Variants in HMCN1 observed in about 807,000 individuals in gnomAD.
HMCN1 encodes hemicentin-1.
A neutral mutation model predicts 625.9 loss-of-function variants in HMCN1; 321 were observed. The ratio of observed to expected loss-of-function variants is 0.51; its 90% confidence interval spans 0.47 to 0.56. HMCN1 has a LOEUF of 0.56. Ranked by LOEUF, HMCN1 falls within the 20% of genes least tolerant of loss-of-function variation. HMCN1 has a pLI of 0.00. For synonymous variants in HMCN1, 2,425 were observed against 2,417.6 expected, an observed-to-expected ratio of 1.00 and a Z score of -0.09; for missense variants, 6,588 against 6,887.3, an observed-to-expected ratio of 0.96 and a Z score of 1.54.
At chr1:186,011,811 G>A (rs1022190154) in intron 30 of HMCN1, among the ~76,000 whole-genome samples, 3 of 152,040 alleles carry the variant, frequency 2.0e-5, no homozygotes, top group African/African-American at 7.2e-5. Context: ...TACTTTTTTG[G>A]TCTGGTAATT....
chr1:186,162,473 T>C (rs1188513676), intron 97 of HMCN1, among the ~76,000 whole-genome samples: 1 of 125,816 alleles, frequency 7.9e-6, no homozygotes, highest in Non-Finnish European at 1.7e-5. Flanking sequence ...CTGTGATCCT[T>C]TGGAGGAGAG....
intron 35 of HMCN1, among the ~76,000 whole-genome samples, chr1:186,021,442 T>C (rs1437899766): frequency 6.6e-6 from 1 of 152,072 alleles, no homozygotes; most frequent in African/African-American, 2.4e-5. Flanking sequence ...GCTGGACATA[T>C]TGGCACATTA....
intron 40 of HMCN1, among the ~76,000 whole-genome samples, chr1:186,042,086 T>C (rs1304288399): frequency 1.3e-5 from 2 of 152,160 alleles, no homozygotes; most frequent in Admixed American, 6.6e-5. Flanking sequence ...ATATCATACA[T>C]ATCTAATGAA....
At chr1:185,837,932 G>T (rs909615428) in intron 1 of HMCN1, among the ~76,000 whole-genome samples, 1 of 152,168 alleles carries the variant, frequency 6.6e-6, no homozygotes, top group Admixed American at 6.5e-5. Context: ...TTTAAAACTA[G>T]CATTGCACAC....
intron 13 of HMCN1, 99 bp from the exon 14 acceptor site, chr1:185,965,703 A>G (rs1356316024): frequency 1.3e-6 from 1 of 769,642 alleles, no homozygotes; most frequent in Non-Finnish European, 2.4e-6. Context: ...AAATGGCCAC[A>G]AGCACATAAA....
chr1:186,127,061 G>C (rs796270119), intron 82 of HMCN1, among the ~76,000 whole-genome samples: 1 of 152,018 alleles, frequency 6.6e-6, no homozygotes, highest in African/African-American at 2.4e-5. Context: ...ATTGCAAGTA[G>C]GGTGTGAGGA....
chr1:185,842,953 G>A (rs1003908925), intron 1 of HMCN1, among the ~76,000 whole-genome samples: 2 of 152,110 alleles, frequency 1.3e-5, no homozygotes, highest in Non-Finnish European at 2.9e-5. Flanking sequence ...TACGTTAGCA[G>A]TTATCTTCAC....
In HMCN1 at chr1:186,178,413, C is replaced by A. The variant is rs1211937953; in HGVS notation, c.15944-3C>A. ...TCTTTTTTATATCATGGCATACGAGCAGACATTAATGAATGTGAACAAGTG... is the reference window on the plus strand; with the variant it reads ...TCTTTTTTATATCATGGCATACGAGAAGACATTAATGAATGTGAACAAGTG... On this transcript the variant is annotated splice_polypyrimidine_tract_variant and splice_region_variant and intron_variant, in intron 103 of 106. Transcript: ENST00000271588. The A allele has an allele frequency of 6.2e-7, 1 of 1,605,844 alleles. No homozygotes were observed. Among genetic ancestry groups the A allele is most frequent in the African/African-American group, 1.3e-5 (1 of 74,634 alleles).
Position 186,106,891 on chromosome 1 carries a change from A to T in HMCN1, c.10778A>T (p.Asp3593Val). ...ATTATTTGGGTTTTGTAGGTGGAGGATACAGGAAGATATACATGTCTGGCA... is the reference window on the plus strand; with the variant it reads ...ATTATTTGGGTTTTGTAGGTGGAGGTTACAGGAAGATATACATGTCTGGCA... The part of the protein sequence containing the change: ...VLRISTAQVE[D>V]TGRYTCLASS... The change falls in exon 70 of 107, where the codon GAT becomes GTT. Residue 3593 changes from aspartate (D) to valine (V), a missense_variant. Physicochemically the swap from Asp to Val is radical, Grantham distance 152. This residue lies in a region of HMCN1 where 4,628 missense variants were observed against 4,853.1 expected (regional missense o/e 0.95). Transcript: ENST00000271588. 1 of 1,607,236 alleles carries T rather than the reference A, an allele frequency of 6.2e-7. No individual in the cohort carries two copies. Among genetic ancestry groups the T allele is most frequent in the Non-Finnish European group, 8.5e-7 (1 of 1,173,726 alleles).
chr1:186,162,609 G>C, intron 97 of HMCN1, among the ~76,000 whole-genome samples: 1 of 152,286 alleles, frequency 6.6e-6, no homozygotes, highest in African/African-American at 2.4e-5. Context: ...TGTCCTTTCT[G>C]TTTGTTAGTT....
rs144560225 is a variant in HMCN1 at position 186,088,714 on chromosome 1, T to C, written c.9686T>C (p.Met3229Thr). 282 of 1,611,030 alleles carry C rather than the reference T, an allele frequency of 1.8e-4. 2 individuals are homozygous for C. In the African/African-American group the frequency reaches 3.4e-3, roughly 19 times the overall value. ...AACTATACATGTATTGCTTCAAATATGGAGGGAAAAGCCCAGAAATATTAC... is the reference window on the plus strand; with the variant it reads ...AACTATACATGTATTGCTTCAAATACGGAGGGAAAAGCCCAGAAATATTAC... ...SGNYTCIASN[M>T]EGKAQKYYFL... The change falls in exon 63 of 107, where the codon ATG becomes ACG. Residue 3229 changes from methionine (M) to threonine (T), a missense_variant. Around this residue, in one of 3 missense-constraint regions of HMCN1, gnomAD observed 4,628 missense variants for 4,853.1 expected, o/e 0.95. Transcript: ENST00000271588.
chr1:185,945,651 C>T (rs1353249130), intron 11 of HMCN1, among the ~76,000 whole-genome samples: 1 of 152,092 alleles, frequency 6.6e-6, no homozygotes, highest in African/African-American at 2.4e-5. Flanking sequence ...GTGATTATGC[C>T]TCAGGTATCC....
intron 68 of HMCN1, among the ~76,000 whole-genome samples, chr1:186,097,725 A>C (rs1259755988): frequency 6.6e-6 from 1 of 152,148 alleles, no homozygotes; most frequent in Admixed American, 6.6e-5. Context: ...ATGGAACCAC[A>C]AAAGACTCCA....
intron 1 of HMCN1, among the ~76,000 whole-genome samples, chr1:185,781,310 G>C (rs7555536): frequency 0.05 from 7,603 of 151,958 alleles, 569 homozygotes; most frequent in African/African-American, 0.17. Context: ...CTCCTAGATT[G>C]ATTAATTTTT....
Position 186,063,096 on chromosome 1 carries a change from A to ATATATATATATATATG in HMCN1, c.7513+503_7513+504insATATATATGTATATAT, listed in dbSNP as rs1185102259. Among the ~76,000 whole-genome samples the ATATATATATATATATG allele has an allele frequency of 7.7e-3, 889 of 115,348 alleles. 38 individuals are homozygous for ATATATATATATATATG. The highest frequency in any genetic ancestry group is 0.02 in the African/African-American group (529 of 26,182). The allele number at this position is 115,348 out of a possible 152,430, so 75.7% of individuals were successfully genotyped here. On this transcript the variant is annotated intron_variant, in intron 48 of 106. Transcript: ENST00000271588. ...TATATATATATATATATATATATAT[A>ATATATATATATATATG]TATATATCACATTTTCATTACCCAA...
At position 185,734,683 on chromosome 1, in the gene HMCN1, T is replaced by A; in HGVS notation, c.-97T>A. 8.3e-7 allele frequency: 1 copy of A among 1,207,354 alleles called. No individual in the cohort carries two copies. The highest frequency in any genetic ancestry group is 2.2e-4 in the Middle Eastern group (1 of 4,556). 74.8% of individuals were successfully genotyped at this position (1,207,354 alleles called of 1,614,324 possible). A position where few individuals can be genotyped will look rare whatever the true frequency, so the allele number is the denominator to read the frequency against. On this transcript the variant is annotated 5_prime_UTR_variant, in exon 1 of 107. It removes an upstream start codon present in the reference 5' UTR. Transcript: ENST00000271588. ...TAGTTCAGAGATTCCAAGAGTCTGATGAGTTACTCTGAGAGGAAACCCTCT... is the reference window on the plus strand; with the variant it reads ...TAGTTCAGAGATTCCAAGAGTCTGAAGAGTTACTCTGAGAGGAAACCCTCT...
intron 1 of HMCN1, among the ~76,000 whole-genome samples, chr1:185,788,971 G>T (rs1373948980): frequency 6.6e-6 from 1 of 151,946 alleles, no homozygotes; most frequent in East Asian, 1.9e-4. Context: ...ACAAAATAAG[G>T]TAAAGTTTTA....
intron 1 of HMCN1, among the ~76,000 whole-genome samples, chr1:185,754,957 G>C (rs958327720): frequency 6.6e-6 from 1 of 152,180 alleles, no homozygotes; most frequent in South Asian, 2.1e-4. Flanking sequence ...GTAAATATGA[G>C]CATAACTTCT....
At chr1:185,747,415 T>G (rs1654491510) in intron 1 of HMCN1, among the ~76,000 whole-genome samples, 1 of 151,848 alleles carries the variant, frequency 6.6e-6, no homozygotes, top group African/African-American at 2.4e-5. Flanking sequence ...ACCTCCTTGG[T>G]TCAAGCAATT....
Sources: gnomAD v4.1 joint callset for allele counts (sites outside exome capture counted in the v4.1 genomes callset) on GRCh38, gnomAD v4.1.1 for gene constraint, gnomAD v4.1.1 regional missense constraint, MANE v1.5 for transcripts, NCBI Gene and HGNC (gene_info 2026-07-23, HGNC 2026-07-21) for gene names.